OR3A2: variants seen among roughly 807,000 people sequenced by gnomAD.
The protein encoded by OR3A2 is olfactory receptor 3A2.
For synonymous variants in OR3A2, 126 were observed against 159.3 expected, an observed-to-expected ratio of 0.79 and a Z score of 1.57; for missense variants, 318 against 392.8, an observed-to-expected ratio of 0.81 and a Z score of 1.61.
At position 3,311,436 on chromosome 17, in the gene OR3A2, T is replaced by G; in HGVS notation, c.-85+24597A>C. The G allele has an allele frequency of 2.1e-6, 1 of 470,382 alleles. No individual in the cohort carries two copies. Among genetic ancestry groups the G allele is most frequent in the Non-Finnish European group, 4.4e-6 (1 of 227,426 alleles). 29.1% of individuals were successfully genotyped at this position (470,382 alleles called of 1,614,324 possible). ...AAGTCCAGGGTGCCCTGGTGGGAAT[T>G]TGCTGCACTGTCTCCTTCATCAATG... is the stretch of plus-strand genomic sequence containing the variant. On this transcript the variant is annotated intron_variant, in intron 3 of 4. Transcript: ENST00000573491. The surrounding 1 kb of genome is among the most constrained non-coding windows in gnomAD (Gnocchi z 4.6).
chr17:3,334,485 T>C (rs2049263740), intron 3 of OR3A2, among the ~76,000 whole-genome samples: 2 of 152,216 alleles, frequency 1.3e-5, no homozygotes, highest in Admixed American at 1.3e-4. Flanking sequence ...TTCGTTCTTC[T>C]ATATGGCTGA....
intron 2 of OR3A2, among the ~76,000 whole-genome samples, chr17:3,376,430 G>A (rs1286665870): frequency 6.6e-6 from 1 of 152,170 alleles, no homozygotes; most frequent in Non-Finnish European, 1.5e-5. Context: ...AGGTGGGTCT[G>A]AGCACAGACT....
chr17:3,319,869 A>T (rs2049105330), intron 3 of OR3A2, among the ~76,000 whole-genome samples: 1 of 152,242 alleles, frequency 6.6e-6, no homozygotes, highest in African/African-American at 2.4e-5. Context: ...AGCATGATTT[A>T]TAATCCTTTG....
chr17:3,353,193 A>G (rs2049435039), intron 2 of OR3A2, among the ~76,000 whole-genome samples: 1 of 151,680 alleles, frequency 6.6e-6, no homozygotes. Flanking sequence ...AAATGCCATA[A>G]CAATTTATGT....
chr17:3,355,460 C>G (rs990979978), intron 2 of OR3A2, among the ~76,000 whole-genome samples: 1 of 95,456 alleles, frequency 1.0e-5, no homozygotes, highest in African/African-American at 5.4e-5. Context: ...CTCTCTCTCT[C>G]TTTAGCTCTA....
intron 2 of OR3A2, among the ~76,000 whole-genome samples, chr17:3,354,228 A>AT: frequency 6.8e-6 from 1 of 147,540 alleles, no homozygotes; most frequent in Non-Finnish European, 1.5e-5. Context: ...CTCCTCCTCT[A>AT]TTTTTTGGAA....
In OR3A2 at chr17:3,356,804, T is replaced by C. The variant is rs149865906; in HGVS notation, c.-178-20678A>G. 3.3e-3 allele frequency among the ~76,000 whole-genome samples: 498 copies of C among 151,762 alleles called. 6 individuals are homozygous for C. The highest frequency in any genetic ancestry group is 2.2e-3 in the Admixed American group (34 of 15,246). On this transcript the variant is annotated intron_variant, in intron 2 of 4. Transcript: ENST00000573491. ...TACGCTCTTAAGTTTATAGTAACTA[T>C]ATATAAGCATTCTCCAACTGTCTCA... is the stretch of plus-strand genomic sequence containing the variant.
intron 2 of OR3A2, among the ~76,000 whole-genome samples, chr17:3,345,231 T>C (rs554905467): frequency 6.6e-6 from 1 of 152,204 alleles, no homozygotes; most frequent in South Asian, 2.1e-4. Flanking sequence ...GAGGAACAAA[T>C]ACAAGAGAAA....
chr17:3,298,746 A>C (rs2048940576), intron 3 of OR3A2, among the ~76,000 whole-genome samples: 1 of 152,172 alleles, frequency 6.6e-6, no homozygotes, highest in Non-Finnish European at 1.5e-5. Context: ...GAGGCCAGCA[A>C]GGTTTCTATT....
chr17:3,326,424 C>CTT (rs2049173075), intron 3 of OR3A2, among the ~76,000 whole-genome samples: 1 of 151,944 alleles, frequency 6.6e-6, no homozygotes, highest in Non-Finnish European at 1.5e-5. Flanking sequence ...AAGTCAGGGA[C>CTT]CCCAAATGGA....
chr17:3,296,912 A>T (rs535998931), intron 3 of OR3A2, among the ~76,000 whole-genome samples: 3 of 152,230 alleles, frequency 2.0e-5, no homozygotes, highest in Non-Finnish European at 4.4e-5. Context: ...CTGTACTGGG[A>T]TATTGAAGAA....
chr17:3,284,685 C>T (rs2048796864), upstream of OR3A2: 2 of 145,770 alleles, frequency 1.4e-5, no homozygotes, highest in South Asian at 4.5e-4. Flanking sequence ...CTAGCCCTGG[C>T]TTTGTGGGCA....
At chr17:3,345,989 T>C (rs2049361185) in intron 2 of OR3A2, among the ~76,000 whole-genome samples, 1 of 152,182 alleles carries the variant, frequency 6.6e-6, no homozygotes, top group South Asian at 2.1e-4. Context: ...AAAGGATGAA[T>C]GAAAGGATTT....
chr17:3,361,770 T>C (rs1351651695), intron 2 of OR3A2, among the ~76,000 whole-genome samples: 1 of 151,676 alleles, frequency 6.6e-6, no homozygotes, highest in East Asian at 1.9e-4. Context: ...TGAAGTCCAG[T>C]TGATCGAGGT....
At chr17:3,283,840 G>A (rs915396988) in intron 1 of OR3A2, among the ~76,000 whole-genome samples, 2 of 150,182 alleles carry the variant, frequency 1.3e-5, no homozygotes, top group Admixed American at 6.6e-5. Flanking sequence ...CTAAACAGCT[G>A]TTGCCAACCC....
At chr17:3,278,673 G>A in exon 2 of OR3A2, 1 of 1,391,996 alleles carries the variant, frequency 7.2e-7, no homozygotes, top group Non-Finnish European at 1.0e-6. Context: ...CAACATTGCA[G>A]GAACAGTGAC....
intron 2 of OR3A2, among the ~76,000 whole-genome samples, chr17:3,343,732 T>C (rs1338601086): frequency 1.3e-5 from 2 of 152,204 alleles, no homozygotes; most frequent in Non-Finnish European, 2.9e-5. Flanking sequence ...GTTCATTCAA[T>C]GAAAGCTTGC....
At chr17:3,281,023 G>A (rs963578809) in intron 1 of OR3A2, among the ~76,000 whole-genome samples, 10 of 152,114 alleles carry the variant, frequency 6.6e-5, no homozygotes, top group African/African-American at 1.9e-4. Flanking sequence ...GCAAGAAGCC[G>A]GCATTATCAG....
chr17:3,347,174 C>A (rs1597352126), intron 2 of OR3A2, among the ~76,000 whole-genome samples: 1 of 152,014 alleles, frequency 6.6e-6, no homozygotes, highest in East Asian at 1.9e-4. Context: ...TAAGGGTTCC[C>A]TTTTCTCCAC....
Sources: gnomAD v4.1 joint callset for allele counts (sites outside exome capture counted in the v4.1 genomes callset) on GRCh38, gnomAD v4.1.1 for gene constraint, Gnocchi (gnomAD v3.1) non-coding constraint, MANE v1.5 for transcripts, NCBI Gene and HGNC (gene_info 2026-07-23, HGNC 2026-07-21) for gene names.